The following RPTOR variants were observed in gnomAD, a reference collection of about 807,000 sequenced individuals.
RPTOR encodes the protein regulatory-associated protein of mTOR.
A neutral mutation model predicts 169.9 loss-of-function variants in RPTOR; 21 were observed. That is an observed-to-expected ratio of 0.12 (90% confidence interval 0.09 to 0.18). RPTOR has a LOEUF of 0.18. RPTOR is among the 10% of genes least tolerant of loss of function. The pLI is 1.00. For synonymous variants in RPTOR, 732 were observed against 753.2 expected (o/e 0.97, Z 0.46); for missense variants, 1,133 against 1,855.9 (o/e 0.61, Z 7.16).
chr17:80,945,149 G>T (rs2069083680), intron 25 of RPTOR, among the ~76,000 whole-genome samples: 3 of 151,938 alleles, frequency 2.0e-5, no homozygotes. Context: ...AAAAAAAGTA[G>T]CCAGGTGTGG....
At chr17:80,866,425 G>C (rs983947510) in intron 13 of RPTOR, among the ~76,000 whole-genome samples, 2 of 152,024 alleles carry the variant, frequency 1.3e-5, no homozygotes, top group Non-Finnish European at 2.9e-5. Flanking sequence ...CAAAGCTGTC[G>C]GCCAAAGGAA....
At chr17:80,640,387 G>A (rs547875204) in intron 2 of RPTOR, among the ~76,000 whole-genome samples, 101 of 152,350 alleles carry the variant, frequency 6.6e-4, no homozygotes, top group African/African-American at 2.1e-3. Context: ...AATGCTAAAT[G>A]CATCGTTTCA....
intron 1 of RPTOR, among the ~76,000 whole-genome samples, chr17:80,591,843 A>G (rs1456081193): frequency 2.0e-5 from 3 of 152,332 alleles, no homozygotes; most frequent in Non-Finnish European, 2.9e-5. Flanking sequence ...ATTAGGGGAA[A>G]GATTGGGCGA....
intron 7 of RPTOR, among the ~76,000 whole-genome samples, chr17:80,806,576 T>A (rs1204839458): frequency 6.6e-6 from 1 of 152,212 alleles, no homozygotes; most frequent in Non-Finnish European, 1.5e-5. Context: ...CTTATTTAAA[T>A]GATCTCTACT....
rs553254754 is a variant in RPTOR, at chr17:80,726,506, C to T, written c.508-4054C>T. ...ATGGAGATTTTGATTTTGATTTTGG[C>T]AAATGTGGAAAATAGATTTCAGCTC... On this transcript the variant is annotated intron_variant, in intron 4 of 33. Transcript: ENST00000306801. This position sits in a 1 kb window ranked among gnomAD's most constrained non-coding sequence, Gnocchi z 4.5. Among the ~76,000 whole-genome samples, 73 of 152,250 alleles carry T rather than the reference C, an allele frequency of 4.8e-4. No homozygotes were observed. In the South Asian group the frequency reaches 0.014, roughly 29 times the overall value.
intron 3 of RPTOR, among the ~76,000 whole-genome samples, chr17:80,650,324 G>T (rs1227725029): frequency 6.6e-6 from 1 of 152,212 alleles, no homozygotes; most frequent in African/African-American, 2.4e-5. Flanking sequence ...TTGCAGCATG[G>T]GCCGCAGCCT....
chr17:80,920,817 A>G (rs2068736293), intron 21 of RPTOR, among the ~76,000 whole-genome samples: 2 of 152,244 alleles, frequency 1.3e-5, no homozygotes, highest in South Asian at 4.1e-4. Flanking sequence ...ACATTTTGAG[A>G]AGGCACATAT....
At chr17:80,614,482 C>A (rs1877280967) in intron 1 of RPTOR, among the ~76,000 whole-genome samples, 1 of 152,242 alleles carries the variant, frequency 6.6e-6, no homozygotes, top group African/African-American at 2.4e-5. Flanking sequence ...TTCTGCGTTG[C>A]CTTTGCAGGC....
intron 20 of RPTOR, among the ~76,000 whole-genome samples, chr17:80,900,750 C>T (rs1414170888): frequency 6.6e-6 from 1 of 152,248 alleles, no homozygotes; most frequent in African/African-American, 2.4e-5. Flanking sequence ...ACTCTCGTCC[C>T]TCCACTCACA....
Position 80,787,233 on chromosome 17 carries a change from CTT to C in RPTOR, c.831-4214_831-4213del, listed in dbSNP as rs546633820. On this transcript the variant is annotated intron_variant, in intron 6 of 33. Transcript: ENST00000306801. ...AGTGCTGAATGTGATTTTGAGGACT[CTT>C]TTAAAAAAATACTTTTGGTTGGAAT... Among the ~76,000 whole-genome samples, 232 of 152,260 alleles carry C rather than the reference CTT, an allele frequency of 1.5e-3. 1 individual carries two copies. The highest frequency in any genetic ancestry group is 3.4e-3 in the Middle Eastern group (1 of 294).
chr17:80,730,576 T>A lies in RPTOR; in HGVS notation c.524T>A (p.Ile175Asn). ...GTTTTCTAGAACTACACGCAGTACA[T>A]CCCTCTGTCCATATATGACCTGCAG... ...WVFNKNYTQY[I>N]PLSIYDLQTW... Residue 175 changes from isoleucine to asparagine, a missense_variant, in exon 5 of 34, where the codon ATC becomes AAC. By Grantham distance (149) the Ile-to-Asn change is moderately radical. This residue lies in a region of RPTOR where 74 missense variants were observed against 168.3 expected (regional missense o/e 0.44). Transcript: ENST00000306801. The surrounding 1 kb of genome is among the most constrained non-coding windows in gnomAD (Gnocchi z 4.2). 6.2e-7 allele frequency: 1 copy of A among 1,614,096 alleles called. No individual in the cohort carries two copies. Among genetic ancestry groups the A allele is most frequent in the Admixed American group, 1.7e-5 (1 of 60,018 alleles).
chr17:80,758,394 T>C (rs1260141897), intron 6 of RPTOR, among the ~76,000 whole-genome samples: 2 of 152,098 alleles, frequency 1.3e-5, no homozygotes, highest in Non-Finnish European at 2.9e-5. Flanking sequence ...TGGGGTGCTT[T>C]GAATGCTGCC....
chr17:80,929,805 C>T (rs1294034857), intron 24 of RPTOR, among the ~76,000 whole-genome samples: 8 of 152,216 alleles, frequency 5.3e-5, no homozygotes, highest in Non-Finnish European at 1.0e-4. Flanking sequence ...CTTCCGGTCC[C>T]GCTTTTCTCA....
chr17:80,656,484 G>A (rs1029286510), intron 3 of RPTOR, among the ~76,000 whole-genome samples: 5 of 152,230 alleles, frequency 3.3e-5, no homozygotes, highest in Non-Finnish European at 7.3e-5. Context: ...ATCTGTCACC[G>A]TGACTTGGGG....
At chr17:80,555,356 C>T (rs1568301255) in intron 1 of RPTOR, among the ~76,000 whole-genome samples, 1 of 152,156 alleles carries the variant, frequency 6.6e-6, no homozygotes. Context: ...GCCACCTAGC[C>T]CTCCATCAGG....
chr17:80,920,902 G>A (rs2068737257), intron 21 of RPTOR, among the ~76,000 whole-genome samples: 1 of 152,228 alleles, frequency 6.6e-6, no homozygotes, highest in South Asian at 2.1e-4. Flanking sequence ...GGTTCTGTGG[G>A]ATGGTTGTAT....
chr17:80,933,469 C>G (rs1055332040), intron 24 of RPTOR, among the ~76,000 whole-genome samples: 5 of 152,108 alleles, frequency 3.3e-5, no homozygotes, highest in South Asian at 2.1e-4. Flanking sequence ...TTGAATGATA[C>G]TAAAGAAGAC....
intron 2 of RPTOR, among the ~76,000 whole-genome samples, chr17:80,628,100 A>G (rs2143541007): frequency 6.6e-6 from 1 of 152,220 alleles, no homozygotes; most frequent in East Asian, 1.9e-4. Context: ...AGCCTCCCAA[A>G]GTGCTGGGAT....
At chr17:80,560,998 G>A (rs1442749607) in intron 1 of RPTOR, among the ~76,000 whole-genome samples, 3 of 152,152 alleles carry the variant, frequency 2.0e-5, no homozygotes, top group African/African-American at 7.2e-5. Flanking sequence ...AAGGCCACAG[G>A]AATTTGGATT....
Sources: gnomAD v4.1 joint callset for allele counts (sites outside exome capture counted in the v4.1 genomes callset) on GRCh38, gnomAD v4.1.1 for gene constraint, gnomAD v4.1.1 regional missense constraint, Gnocchi (gnomAD v3.1) non-coding constraint, MANE v1.5 for transcripts, NCBI Gene and HGNC (gene_info 2026-07-23, HGNC 2026-07-21) for gene names.